CFAP96: variants seen among roughly 807,000 people sequenced by gnomAD.
CFAP96 encodes cilia and flagella associated protein 96.
the CFAP96 span, among the ~76,000 whole-genome samples, chr4:185,436,552 T>C: frequency 6.6e-5 from 10 of 151,714 alleles, no homozygotes; most frequent in Non-Finnish European, 1.3e-4. Context: ...TCTACTAATC[T>C]TACAAAAATT....
the CFAP96 span, among the ~76,000 whole-genome samples, chr4:185,440,200 T>C: frequency 6.6e-6 from 1 of 152,130 alleles, no homozygotes; most frequent in African/African-American, 2.4e-5. Context: ...CCAGAGTCTC[T>C]GAGAAATGCT....
At chr4:185,437,481 A>G in the CFAP96 span, among the ~76,000 whole-genome samples, 2 of 152,326 alleles carry the variant, frequency 1.3e-5, no homozygotes, top group African/African-American at 4.8e-5. Context: ...TTTTGTTATT[A>G]GAGGCATGCA....
the CFAP96 span, chr4:185,413,633 C>T: frequency 3.4e-6 from 4 of 1,188,396 alleles, no homozygotes; most frequent in South Asian, 6.6e-5. Flanking sequence ...GGAATGAATA[C>T]ATAATGAATC....
the CFAP96 span, among the ~76,000 whole-genome samples, chr4:185,433,393 TCTC>T: frequency 1.6e-5 from 1 of 61,836 alleles, no homozygotes. Flanking sequence ...TGAGACTCCA[TCTC>T]AAAAAAAAAA....
chr4:185,436,750 T>C, the CFAP96 span, among the ~76,000 whole-genome samples: 2 of 87,208 alleles, frequency 2.3e-5, no homozygotes, highest in African/African-American at 3.7e-5. Context: ...AATAATTCAC[T>C]TGAGATCTAA....
At chr4:185,431,898 T>C in the CFAP96 span, 1 of 1,122,490 alleles carries the variant, frequency 8.9e-7, no homozygotes, top group Non-Finnish European at 1.3e-6. Flanking sequence ...GCCCAAATCA[T>C]ATTTGGAAAT....
At chr4:185,416,753 T>C in the CFAP96 span, among the ~76,000 whole-genome samples, 1 of 152,244 alleles carries the variant, frequency 6.6e-6, no homozygotes, top group Non-Finnish European at 1.5e-5. Context: ...AGAAAGGCAC[T>C]GGAGCCAGCT....
At chr4:185,426,653 A>G in the CFAP96 span, among the ~76,000 whole-genome samples, 3 of 152,334 alleles carry the variant, frequency 2.0e-5, no homozygotes, top group South Asian at 4.1e-4. Context: ...TCTAGTTTCT[A>G]CCAGCAAGCT....
At chr4:185,442,341 T>C in the CFAP96 span, among the ~76,000 whole-genome samples, 3 of 152,104 alleles carry the variant, frequency 2.0e-5, no homozygotes, top group Non-Finnish European at 2.9e-5. Flanking sequence ...TAACCTTCTA[T>C]CTCCCTTGTA....
At chr4:185,430,312 A>G in the CFAP96 span, among the ~76,000 whole-genome samples, 2 of 152,218 alleles carry the variant, frequency 1.3e-5, no homozygotes, top group Non-Finnish European at 2.9e-5. Flanking sequence ...ACAAAATAAA[A>G]CACTGATTTG....
the CFAP96 span, chr4:185,415,809 G>A: frequency 2.0e-5 from 32 of 1,613,328 alleles, no homozygotes; most frequent in South Asian, 5.5e-5. Flanking sequence ...AATGATGGGC[G>A]TTACAGCTGC....
At chr4:185,417,631 A>G in the CFAP96 span, among the ~76,000 whole-genome samples, 1 of 152,188 alleles carries the variant, frequency 6.6e-6, no homozygotes, top group Non-Finnish European at 1.5e-5. Context: ...GCCTGGAAAC[A>G]CTGTCGTCAC....
chr4:185,449,249 G>C, the CFAP96 span, among the ~76,000 whole-genome samples: 2 of 152,110 alleles, frequency 1.3e-5, no homozygotes, highest in African/African-American at 4.8e-5. Flanking sequence ...TAGGCTGGGC[G>C]TGTTGGCTCG....
chr4:185,424,407 A>G, the CFAP96 span, among the ~76,000 whole-genome samples: 1 of 152,224 alleles, frequency 6.6e-6, no homozygotes, highest in East Asian at 1.9e-4. Context: ...GTACCAATAC[A>G]GTTTTTCTCA....
chr4:185,425,571 C>G, the CFAP96 span, among the ~76,000 whole-genome samples: 3 of 152,196 alleles, frequency 2.0e-5, no homozygotes, highest in Non-Finnish European at 4.4e-5. Context: ...CAGGTTAAGC[C>G]CTTCTTGCAA....
the CFAP96 span, among the ~76,000 whole-genome samples, chr4:185,446,674 T>G: frequency 6.6e-6 from 1 of 152,158 alleles, no homozygotes; most frequent in Non-Finnish European, 1.5e-5. Context: ...ATAAGGAAAA[T>G]TTTAAATGTT....
At chr4:185,441,532 A>G in the CFAP96 span, among the ~76,000 whole-genome samples, 1 of 152,080 alleles carries the variant, frequency 6.6e-6, no homozygotes, top group East Asian at 1.9e-4. Flanking sequence ...TTATCAGTCC[A>G]TTGTTGGTAA....
At chr4:185,439,465 A>G in the CFAP96 span, among the ~76,000 whole-genome samples, 2 of 152,156 alleles carry the variant, frequency 1.3e-5, no homozygotes, top group Non-Finnish European at 2.9e-5. Flanking sequence ...TCAAGTAACT[A>G]TTTTAGATTT....
chr4:185,437,909 C>G, the CFAP96 span, among the ~76,000 whole-genome samples: 1 of 152,154 alleles, frequency 6.6e-6, no homozygotes, highest in Non-Finnish European at 1.5e-5. Context: ...AAAGGTTACT[C>G]CACTGTCTTC....
Sources: allele counts gnomAD v4.1 joint callset (sites outside exome capture counted in the v4.1 genomes callset), GRCh38; gene constraint gnomAD v4.1.1; transcripts MANE v1.5; gene names NCBI Gene and HGNC (gene_info 2026-07-23, HGNC 2026-07-21).